The following SORCS1 variants were observed in gnomAD, a reference collection of about 807,000 sequenced individuals.
SORCS1 encodes the protein sortilin related VPS10 domain containing receptor 1.
In SORCS1, 60 loss-of-function variants were observed where a neutral mutation model predicts 146.1. That is an observed-to-expected ratio of 0.41 (90% CI 0.33 to 0.51). SORCS1 has a LOEUF of 0.51. Among genes scored for constraint, SORCS1 ranks in the 20% least tolerant of loss-of-function variants. The pLI, the probability that SORCS1 is intolerant of heterozygous loss-of-function variation, is 0.21. For synonymous variants in SORCS1, 637 were observed against 584.0 expected (o/e 1.09, Z -1.31); for missense variants, 1,352 against 1,487.6 (o/e 0.91, Z 1.50).
intron 1 of SORCS1, among the ~76,000 whole-genome samples, chr10:106,967,210 C>G (rs537249634): frequency 6.6e-6 from 1 of 152,104 alleles, no homozygotes; most frequent in Admixed American, 6.5e-5. Flanking sequence ...CCCCTGCCAC[C>G]TCCTTCTCCC....
chr10:106,981,567 C>A (rs1956246343), intron 1 of SORCS1, among the ~76,000 whole-genome samples: 1 of 152,132 alleles, frequency 6.6e-6, no homozygotes, highest in African/African-American at 2.4e-5. Flanking sequence ...AACATTCTTT[C>A]AAAATAGAGC....
intron 2 of SORCS1, among the ~76,000 whole-genome samples, chr10:106,889,014 A>C (rs1196045066): frequency 6.6e-6 from 1 of 152,204 alleles, no homozygotes; most frequent in Non-Finnish European, 1.5e-5. Context: ...CATTCCAATA[A>C]ACGCTTTTTT....
rs866361198 is a variant in SORCS1, at chr10:106,960,437, G to A, written c.559-3857C>T. On this transcript the variant is annotated intron_variant, in intron 1 of 25. Transcript: ENST00000263054. The surrounding 1 kb of genome is among the most constrained non-coding windows in gnomAD (Gnocchi z 4.4). ...TTTTTTTTTTTTGAGATGGAATCTC[G>A]CTCTGTCGCCAGGCTGGAGTGCAGT... 3.3e-5 allele frequency among the ~76,000 whole-genome samples: 5 copies of A among 149,592 alleles called. No homozygotes were observed. Among genetic ancestry groups the A allele is most frequent in the South Asian group, 4.2e-4 (2 of 4,770 alleles).
chr10:106,666,452 G>A (rs893978559), intron 17 of SORCS1, among the ~76,000 whole-genome samples: 9 of 151,960 alleles, frequency 5.9e-5, no homozygotes, highest in Admixed American at 5.9e-4. Context: ...CAACTATACT[G>A]TCAGCTCTCC....
At chr10:106,817,854 T>G (rs1947817752) in intron 3 of SORCS1, among the ~76,000 whole-genome samples, 1 of 152,224 alleles carries the variant, frequency 6.6e-6, no homozygotes, top group Non-Finnish European at 1.5e-5. Flanking sequence ...CTGTTGTGAA[T>G]GTCATGACTT....
At chr10:106,670,424 A>G (rs2057094171) in intron 16 of SORCS1, among the ~76,000 whole-genome samples, 1 of 152,228 alleles carries the variant, frequency 6.6e-6, no homozygotes, top group Non-Finnish European at 1.5e-5. Flanking sequence ...CACTACGTTC[A>G]CCGAGTTACA....
intron 2 of SORCS1, among the ~76,000 whole-genome samples, chr10:106,883,899 T>A (rs900709722): frequency 9.2e-5 from 14 of 152,242 alleles, no homozygotes; most frequent in African/African-American, 3.4e-4. Context: ...TTTTTATATG[T>A]TGGCATCTGC....
chr10:106,773,110 C>T (rs1324887752), intron 4 of SORCS1, among the ~76,000 whole-genome samples: 1 of 152,182 alleles, frequency 6.6e-6, no homozygotes, highest in Non-Finnish European at 1.5e-5. Context: ...GGATTGTTCA[C>T]CACAATTTGA....
intron 1 of SORCS1, among the ~76,000 whole-genome samples, chr10:106,964,873 C>G (rs1240995873): frequency 1.3e-5 from 2 of 151,080 alleles, no homozygotes; most frequent in East Asian, 3.9e-4. Context: ...CTCAGCCCCA[C>G]AAAGTGCTGA....
At chr10:106,893,511 T>C (rs960401530) in intron 2 of SORCS1, among the ~76,000 whole-genome samples, 3 of 152,206 alleles carry the variant, frequency 2.0e-5, no homozygotes, top group African/African-American at 7.2e-5. Flanking sequence ...CATGCAATAA[T>C]TATGAAATAA....
At chr10:106,762,941 C>A (rs886813604) in intron 4 of SORCS1, among the ~76,000 whole-genome samples, 2 of 152,122 alleles carry the variant, frequency 1.3e-5, no homozygotes, top group African/African-American at 4.8e-5. Flanking sequence ...TGTACAACAA[C>A]AGCAGGCACC....
intron 3 of SORCS1, among the ~76,000 whole-genome samples, chr10:106,786,048 T>C (rs1029527703): frequency 5.9e-5 from 9 of 152,174 alleles, no homozygotes; most frequent in African/African-American, 1.9e-4. Flanking sequence ...AGTGCGGTGT[T>C]TTATGAAGAT....
intron 2 of SORCS1, among the ~76,000 whole-genome samples, chr10:106,852,478 A>C (rs1949623330): frequency 6.6e-6 from 1 of 151,996 alleles, no homozygotes; most frequent in Non-Finnish European, 1.5e-5. Flanking sequence ...AAATACAAAA[A>C]TTAGCTGGGC....
At chr10:106,686,700 C>G (rs1852874442) in intron 10 of SORCS1, among the ~76,000 whole-genome samples, 1 of 152,160 alleles carries the variant, frequency 6.6e-6, no homozygotes, top group Non-Finnish European at 1.5e-5. Context: ...AGGATAGAAG[C>G]TGAGTGGGAG....
At chr10:107,176,624 G>A in the SORCS1 span, among the ~76,000 whole-genome samples, 1 of 152,104 alleles carries the variant, frequency 6.6e-6, no homozygotes, top group African/African-American at 2.4e-5. Context: ...ACAGGTGTGA[G>A]CCACTGCACC....
chr10:107,018,428 C>T (rs1372522332), intron 1 of SORCS1, among the ~76,000 whole-genome samples: 2 of 151,886 alleles, frequency 1.3e-5, no homozygotes, highest in African/African-American at 4.8e-5. Flanking sequence ...CCTCGTGATC[C>T]ACCCGCCTTG....
chr10:106,996,597 C>A (rs879485574), intron 1 of SORCS1, among the ~76,000 whole-genome samples: 25 of 152,192 alleles, frequency 1.6e-4, no homozygotes, highest in Admixed American at 6.6e-5. Flanking sequence ...ATTATCCTGA[C>A]CACCACTTGC....
chr10:107,129,252 T>C (rs1014827705), intron 1 of SORCS1, among the ~76,000 whole-genome samples: 2 of 152,224 alleles, frequency 1.3e-5, no homozygotes, highest in African/African-American at 2.4e-5. Flanking sequence ...CTGTCATTCA[T>C]TTAAAAGAGA....
chr10:106,701,319 C>T (rs1462756545), intron 8 of SORCS1, among the ~76,000 whole-genome samples: 1 of 152,110 alleles, frequency 6.6e-6, no homozygotes, highest in African/African-American at 2.4e-5. Context: ...TTCCTACTTT[C>T]TTCTACCAGC....
Sources: gnomAD v4.1 joint callset for allele counts (sites outside exome capture counted in the v4.1 genomes callset) on GRCh38, gnomAD v4.1.1 for gene constraint, Gnocchi (gnomAD v3.1) non-coding constraint, MANE v1.5 for transcripts, NCBI Gene and HGNC (gene_info 2026-07-23, HGNC 2026-07-21) for gene names.